SGSM1: variants seen among roughly 807,000 people sequenced by gnomAD.
SGSM1 encodes RUN and TBC1 domain containing 2.
A neutral mutation model predicts 133.8 loss-of-function variants in SGSM1; 73 were observed. The observed-to-expected ratio is 0.55, with a 90% confidence interval of 0.45 to 0.66. The LOEUF (loss-of-function observed/expected upper bound fraction) is 0.66. Ranked by LOEUF, SGSM1 falls within the 30% of genes least tolerant of loss-of-function variation. The pLI, the probability that SGSM1 is intolerant of heterozygous loss-of-function variation, is 0.00. For missense variants in SGSM1, 1,213 were observed against 1,448.1 expected, an observed-to-expected ratio of 0.84 and a Z score of 2.64; for synonymous variants, 563 against 573.0, an observed-to-expected ratio of 0.98 and a Z score of 0.25.
intron 2 of SGSM1, among the ~76,000 whole-genome samples, chr22:24,811,222 G>A (rs2147778201): frequency 6.6e-6 from 1 of 152,188 alleles, no homozygotes; most frequent in South Asian, 2.1e-4. Flanking sequence ...CACCCCCTCA[G>A]CCCACCACCA....
chr22:24,831,988 C>T lies in SGSM1; in HGVS notation c.64-12909C>T, dbSNP rs145502072. Among the ~76,000 whole-genome samples the T allele has an allele frequency of 8.5e-5, 13 of 152,294 alleles. No individual in the cohort carries two copies. In the East Asian group the frequency reaches 2.5e-3, roughly 29 times the overall value. On this transcript the variant is annotated intron_variant, in intron 2 of 24. Coordinates refer to ENST00000400358, the MANE Select transcript of SGSM1 (RefSeq NM_001098497.3). ...TTGGCTGGGTGCATCATTCATCCCACCCAGAGAGTCGGGGCAGCAGACGTC... is the reference window on the plus strand; with the variant it reads ...TTGGCTGGGTGCATCATTCATCCCATCCAGAGAGTCGGGGCAGCAGACGTC...
chr22:24,894,901 A>G (rs898950622), intron 17 of SGSM1, among the ~76,000 whole-genome samples: 5 of 152,204 alleles, frequency 3.3e-5, no homozygotes, highest in African/African-American at 1.2e-4. Flanking sequence ...GGAGCCATTA[A>G]TAGAACCAGT....
intron 8 of SGSM1, among the ~76,000 whole-genome samples, chr22:24,858,422 C>G (rs1930930751): frequency 6.6e-6 from 1 of 152,022 alleles, no homozygotes. Context: ...TGAGACTAGC[C>G]TGGCCAACAT....
At chr22:24,904,209 G>A (rs1933279307) in intron 20 of SGSM1, among the ~76,000 whole-genome samples, 1 of 152,102 alleles carries the variant, frequency 6.6e-6, no homozygotes, top group Non-Finnish European at 1.5e-5. Context: ...TTTAAAAAAT[G>A]TGTACATTCA....
intron 21 of SGSM1, among the ~76,000 whole-genome samples, chr22:24,905,912 G>A (rs1457175454): frequency 6.6e-6 from 1 of 152,054 alleles, no homozygotes; most frequent in Non-Finnish European, 1.5e-5. Context: ...CCTCATATGA[G>A]GACTGGGTGT....
chr22:24,814,996 C>T (rs1413414774), intron 2 of SGSM1, among the ~76,000 whole-genome samples: 3 of 152,216 alleles, frequency 2.0e-5, no homozygotes, highest in Non-Finnish European at 4.4e-5. Flanking sequence ...TGGCCCTGCA[C>T]TTGGTTGCTG....
At chr22:24,822,353 A>G (rs779123398) in intron 2 of SGSM1, among the ~76,000 whole-genome samples, 6 of 151,690 alleles carry the variant, frequency 4.0e-5, no homozygotes, top group Admixed American at 6.6e-5. Flanking sequence ...CGGCCTCCCA[A>G]AGTTCTGGGA....
At chr22:24,851,041 C>T (rs1930426279) in intron 5 of SGSM1, among the ~76,000 whole-genome samples, 1 of 144,436 alleles carries the variant, frequency 6.9e-6, no homozygotes, top group Non-Finnish European at 1.5e-5. Flanking sequence ...GTAGAGCTTG[C>T]AGTGAGCTGA....
rs911783801 is a variant in SGSM1, at chr22:24,905,800, A to G, written c.2818+613A>G. Among the ~76,000 whole-genome samples the G allele has an allele frequency of 7.9e-5, 12 of 151,858 alleles. No individual in the cohort carries two copies. The South Asian group carries it at 2.3e-3, about 29-fold the overall frequency. The stretch of plus-strand genomic sequence containing the variant: ...CAAGACTCTGTCTCAAAAAAAAAAA[A>G]AAAAGAAAAGAAGAAAAGAAGGATT... On this transcript the variant is annotated intron_variant, in intron 21 of 24. Transcript: ENST00000400358.
At chr22:24,853,001 A>AT in intron 5 of SGSM1, among the ~76,000 whole-genome samples, 1 of 152,296 alleles carries the variant, frequency 6.6e-6, no homozygotes, top group East Asian at 1.9e-4. Context: ...TGTTGCCACC[A>AT]TTTTGTGAGA....
At chr22:24,917,568 T>C in intron 22 of SGSM1, 90 bp from the exon 23 acceptor site, 1 of 837,314 alleles carries the variant, frequency 1.2e-6, no homozygotes, top group Non-Finnish European at 2.0e-6. Context: ...GTATGGTGTC[T>C]GGTGTGTGGA....
chr22:24,822,969 G>GT (rs1310851113), intron 2 of SGSM1, among the ~76,000 whole-genome samples: 1 of 152,236 alleles, frequency 6.6e-6, no homozygotes. Flanking sequence ...AAAGCACCCA[G>GT]TTGTGAGAAA....
At chr22:24,891,913 G>A (rs1340365298) in intron 16 of SGSM1, among the ~76,000 whole-genome samples, 2 of 152,118 alleles carry the variant, frequency 1.3e-5, no homozygotes, top group African/African-American at 2.4e-5. Flanking sequence ...GGTGTGGTGT[G>A]TGTGTCCGAA....
chr22:24,882,998 C>T (rs990381300), intron 14 of SGSM1, among the ~76,000 whole-genome samples: 1 of 151,628 alleles, frequency 6.6e-6, no homozygotes, highest in African/African-American at 2.4e-5. Context: ...CCTGGGTTCA[C>T]GCCATTCTCC....
chr22:24,922,045 C>A (rs181154498), intron 24 of SGSM1, among the ~76,000 whole-genome samples: 1 of 152,192 alleles, frequency 6.6e-6, no homozygotes, highest in Admixed American at 6.5e-5. Flanking sequence ...TTACATCATT[C>A]CCGAATAAGC....
In SGSM1 at chr22:24,919,872, A is replaced by C. The variant is rs1251970569; in HGVS notation, c.3072A>C (p.Ala1024=). The change falls in exon 24 of 25, where the codon GCA becomes GCC. Residue 1024 remains alanine, a synonymous_variant. Coordinates refer to ENST00000400358, the MANE Select transcript of SGSM1 (RefSeq NM_001098497.3). ...DVFLVWETIW[A]AKHVSSAHYV... is the part of the protein sequence containing the mutation. ...TCTTGGTCTGGGAGACCATCTGGGCAGCCAAACACGTCTCCTCTGCGCACT... is the reference window on the plus strand; with the variant it reads ...TCTTGGTCTGGGAGACCATCTGGGCCGCCAAACACGTCTCCTCTGCGCACT... 1 of 1,614,096 alleles carries C rather than the reference A, an allele frequency of 6.2e-7. No homozygotes were observed. Among genetic ancestry groups the C allele is most frequent in the South Asian group, 1.1e-5 (1 of 91,088 alleles).
chr22:24,832,974 T>C (rs1346760699), intron 2 of SGSM1, among the ~76,000 whole-genome samples: 2 of 151,904 alleles, frequency 1.3e-5, no homozygotes, highest in African/African-American at 4.8e-5. Flanking sequence ...TCATTCTTGT[T>C]GCCCAGGCTG....
intron 12 of SGSM1, among the ~76,000 whole-genome samples, chr22:24,873,747 G>A (rs78826677): frequency 0.016 from 2,427 of 152,262 alleles, 66 homozygotes; most frequent in African/African-American, 0.055. Flanking sequence ...CAGCTACTCA[G>A]GAGACTGAGG....
intron 2 of SGSM1, among the ~76,000 whole-genome samples, chr22:24,834,079 C>T (rs906456900): frequency 6.6e-6 from 1 of 152,234 alleles, no homozygotes; most frequent in Non-Finnish European, 1.5e-5. Context: ...GGCAGGTGGC[C>T]GCGCTCCTGC....
Sources: gnomAD v4.1 joint callset for allele counts (sites outside exome capture counted in the v4.1 genomes callset) on GRCh38, gnomAD v4.1.1 for gene constraint, MANE v1.5 for transcripts, NCBI Gene and HGNC (gene_info 2026-07-23, HGNC 2026-07-21) for gene names.